The following MAP2K5 variants were observed in gnomAD, a reference collection of about 807,000 sequenced individuals.
MAP2K5 encodes mitogen-activated protein kinase kinase 5, also known as dual specificity mitogen-activated protein kinase kinase 5.
MAP2K5 carries 49 observed loss-of-function variants against 83.1 expected under a neutral mutation model. That is an observed-to-expected ratio of 0.59 (90% CI 0.47 to 0.75). The LOEUF (loss-of-function observed/expected upper bound fraction) is 0.75, where lower values mean the gene tolerates loss of function less well. Among genes scored for constraint, MAP2K5 ranks in the 30% least tolerant of loss-of-function variants. The pLI is 0.00. For synonymous variants in MAP2K5, 202 were observed against 191.8 expected, an observed-to-expected ratio of 1.05 and a Z score of -0.44; for missense variants, 457 against 557.5, an observed-to-expected ratio of 0.82 and a Z score of 1.82.
chr15:67,544,838 G>A (rs2084361011), intron 1 of MAP2K5, among the ~76,000 whole-genome samples: 1 of 152,150 alleles, frequency 6.6e-6, no homozygotes, highest in African/African-American at 2.4e-5. Context: ...GACTGCCCAG[G>A]CCATGCAGAT....
In MAP2K5 at chr15:67,637,265, A is replaced by G. The variant is rs958927677; in HGVS notation, c.585+6338A>G. ...CCTTAATAAATTCCCCTTCATATAT[A>G]CATCTATCCTATTAGTTCTGTCCCT... On this transcript the variant is annotated intron_variant, in intron 9 of 21. Transcript: ENST00000178640. The surrounding 1 kb of genome is among the most constrained non-coding windows in gnomAD (Gnocchi z 4.5). Among the ~76,000 whole-genome samples the G allele has an allele frequency of 3.9e-5, 6 of 152,136 alleles. No individual in the cohort carries two copies. Among genetic ancestry groups the G allele is most frequent in the South Asian group, 2.1e-4 (1 of 4,824 alleles).
intron 3 of MAP2K5, among the ~76,000 whole-genome samples, chr15:67,568,623 C>A (rs1040679980): frequency 6.6e-6 from 1 of 152,136 alleles, no homozygotes; most frequent in Admixed American, 6.5e-5. Flanking sequence ...TAGTCCTGCT[C>A]AGCTTTGCAA....
chr15:67,721,450 A>G (rs1184530062), intron 16 of MAP2K5, among the ~76,000 whole-genome samples: 1 of 152,182 alleles, frequency 6.6e-6, no homozygotes, highest in Non-Finnish European at 1.5e-5. Flanking sequence ...CAAAGAAAAA[A>G]CATTAGTTAC....
intron 11 of MAP2K5, among the ~76,000 whole-genome samples, chr15:67,651,762 G>A (rs76476531): frequency 0.02 from 3,078 of 151,572 alleles, 104 homozygotes; most frequent in African/African-American, 0.071. Context: ...TTTTTTCTTC[G>A]ATGGACACTC....
intron 19 of MAP2K5, among the ~76,000 whole-genome samples, chr15:67,765,456 C>T (rs1010360385): frequency 2.6e-5 from 4 of 152,122 alleles, no homozygotes; most frequent in African/African-American, 7.2e-5. Context: ...CAGATTTTAC[C>T]AGTTTTACAT....
rs914951084 is a variant in MAP2K5, at chr15:67,734,882, C to A, written c.1074+6937C>A. 4.6e-5 allele frequency among the ~76,000 whole-genome samples: 7 copies of A among 152,092 alleles called. No individual in the cohort carries two copies. In the South Asian group the frequency reaches 8.3e-4, roughly 18 times the overall value. Reference sequence around the variant, plus strand: ...ATCACCCCAAACTTCAAGTACTCACCTTTAATTTGCAAGAGTTTAAAGGGG... The same window carrying A: ...ATCACCCCAAACTTCAAGTACTCACATTTAATTTGCAAGAGTTTAAAGGGG... On this transcript the variant is annotated intron_variant, in intron 17 of 21. Transcript: ENST00000178640.
chr15:67,609,353 C>T (rs1596643481), intron 8 of MAP2K5, among the ~76,000 whole-genome samples: 2 of 151,676 alleles, frequency 1.3e-5, no homozygotes, highest in African/African-American at 4.8e-5. Flanking sequence ...ATAATCAAGA[C>T]AATAAACACT....
At position 67,563,009 on chromosome 15, in the gene MAP2K5, A is replaced by G. The variant is rs1008030628; in HGVS notation, c.185-274A>G. Among the ~76,000 whole-genome samples, 2 of 152,194 alleles carry G rather than the reference A, an allele frequency of 1.3e-5. No homozygotes were observed. Among genetic ancestry groups the G allele is most frequent in the African/African-American group, 4.8e-5 (2 of 41,448 alleles). ...TTCCGCTAACCAAACCTGTTTTGTCATACTCCAGTTATATTTACTTTAACC... is the reference window on the plus strand; with the variant it reads ...TTCCGCTAACCAAACCTGTTTTGTCGTACTCCAGTTATATTTACTTTAACC... On this transcript the variant is annotated intron_variant, in intron 2 of 21. Transcript: ENST00000178640. The surrounding 1 kb of genome is among the most constrained non-coding windows in gnomAD (Gnocchi z 4.5).
chr15:67,566,252 G>T (rs184004394), intron 3 of MAP2K5, among the ~76,000 whole-genome samples: 1 of 152,038 alleles, frequency 6.6e-6, no homozygotes, highest in East Asian at 1.9e-4. Context: ...TCGGCTCACT[G>T]CAACCTCCGC....
At chr15:67,627,003 G>A (rs2086340768) in intron 8 of MAP2K5, among the ~76,000 whole-genome samples, 2 of 87,584 alleles carry the variant, frequency 2.3e-5, no homozygotes, top group South Asian at 8.1e-4. Flanking sequence ...TGAGATCATA[G>A]CTCACTGCAG....
chr15:67,593,511 C>T (rs1222490862), intron 7 of MAP2K5, among the ~76,000 whole-genome samples: 2 of 152,194 alleles, frequency 1.3e-5, no homozygotes, highest in Non-Finnish European at 2.9e-5. Context: ...GCCTTCAGGC[C>T]AGTTATTTCT....
chr15:67,755,894 G>A lies in MAP2K5; in HGVS notation c.1134+7293G>A, dbSNP rs2089824648. On this transcript the variant is annotated intron_variant, in intron 19 of 21. Transcript: ENST00000178640. This position sits in a 1 kb window ranked among gnomAD's most constrained non-coding sequence, Gnocchi z 4.7. ...TCCTTCTTATCATCAGGGACCCCAG[G>A]CCAGGCCCCACAGCAAGGATGCCCC... Among the ~76,000 whole-genome samples, 1 of 152,132 alleles carries A rather than the reference G, an allele frequency of 6.6e-6. No homozygotes were observed. The highest frequency in any genetic ancestry group is 1.5e-5 in the Non-Finnish European group (1 of 68,022).
intron 14 of MAP2K5, among the ~76,000 whole-genome samples, 168 bp downstream of exon 14, chr15:67,692,720 C>T (rs554168160): frequency 3.9e-5 from 6 of 152,268 alleles, no homozygotes; most frequent in South Asian, 4.1e-4. Context: ...AGCGAGTTTC[C>T]TTCATCAGAA....
chr15:67,707,451 A>G (rs1338517374), intron 16 of MAP2K5, among the ~76,000 whole-genome samples: 1 of 152,226 alleles, frequency 6.6e-6, no homozygotes, highest in Non-Finnish European at 1.5e-5. Flanking sequence ...ACTTTCTAAG[A>G]ATTACTCCTC....
At chr15:67,619,957 C>T (rs2086143427) in intron 8 of MAP2K5, among the ~76,000 whole-genome samples, 1 of 152,210 alleles carries the variant, frequency 6.6e-6, no homozygotes, top group African/African-American at 2.4e-5. Context: ...GTAGACTCAA[C>T]TACTCAGGAA....
At chr15:67,798,167 C>G (rs571093171) in intron 21 of MAP2K5, among the ~76,000 whole-genome samples, 1 of 152,222 alleles carries the variant, frequency 6.6e-6, no homozygotes, top group African/African-American at 2.4e-5. Context: ...GCAGACTCCA[C>G]CTTTCAGGGG....
chr15:67,628,119 T>C, intron 8 of MAP2K5: 1 of 833,852 alleles, frequency 1.2e-6, no homozygotes, highest in East Asian at 2.7e-5. Context: ...GAGAGCTGTC[T>C]CAAGAGGAGA....
intron 3 of MAP2K5, among the ~76,000 whole-genome samples, chr15:67,564,924 T>A (rs1167571526): frequency 6.6e-6 from 1 of 152,236 alleles, no homozygotes; most frequent in Non-Finnish European, 1.5e-5. Context: ...TTGAAAATGT[T>A]AGTGGGTGTG....
chr15:67,574,853 T>C (rs577549095), intron 3 of MAP2K5, among the ~76,000 whole-genome samples: 2 of 151,854 alleles, frequency 1.3e-5, no homozygotes, highest in South Asian at 2.1e-4. Flanking sequence ...GGCGACAGAG[T>C]GAGACTCCAT....
Sources: allele counts gnomAD v4.1 joint callset (sites outside exome capture counted in the v4.1 genomes callset), GRCh38; gene constraint gnomAD v4.1.1; non-coding constraint Gnocchi (gnomAD v3.1); transcripts MANE v1.5; gene names NCBI Gene and HGNC (gene_info 2026-07-23, HGNC 2026-07-21).